FA2H: variants seen among roughly 807,000 people sequenced by gnomAD.
FA2H encodes the protein fatty acid alpha-hydroxylase.
A neutral mutation model predicts 44.9 loss-of-function variants in FA2H; 22 were observed. The observed-to-expected ratio is 0.49, with a 90% CI of 0.35 to 0.70. The LOEUF (loss-of-function observed/expected upper bound fraction) is 0.70, where lower values mean the gene tolerates loss of function less well. Among genes scored for constraint, FA2H ranks in the 30% least tolerant of loss-of-function variants. FA2H has a pLI of 0.01. For missense variants in FA2H, 501 were observed against 504.9 expected (o/e 0.99, Z 0.07); for synonymous variants, 243 against 213.2 (o/e 1.14, Z -1.22).
intron 1 of FA2H, among the ~76,000 whole-genome samples, chr16:74,751,472 G>T (rs1280660886): frequency 6.6e-6 from 1 of 152,018 alleles, no homozygotes; most frequent in African/African-American, 2.4e-5. Context: ...CGCCTGGTGG[G>T]TATAGCCTCC....
At chr16:74,750,571 C>T (rs1962509535) in intron 1 of FA2H, among the ~76,000 whole-genome samples, 1 of 152,144 alleles carries the variant, frequency 6.6e-6, no homozygotes, top group South Asian at 2.1e-4. Flanking sequence ...CAACAACACC[C>T]TCCCTCATAC....
At chr16:74,718,349 A>G (rs1961753844) in intron 5 of FA2H, among the ~76,000 whole-genome samples, 1 of 152,200 alleles carries the variant, frequency 6.6e-6, no homozygotes, top group Non-Finnish European at 1.5e-5. Flanking sequence ...AGCACAATGC[A>G]GGGACAGAGA....
At chr16:74,724,267 C>T (rs1961900901) in intron 4 of FA2H, among the ~76,000 whole-genome samples, 1 of 152,178 alleles carries the variant, frequency 6.6e-6, no homozygotes, top group South Asian at 2.1e-4. Context: ...AGACTAAGGT[C>T]CTGGCCTCTG....
In FA2H at chr16:74,758,723, C is replaced by T. The variant is rs949282474; in HGVS notation, c.270+15763G>A. 5.9e-5 allele frequency among the ~76,000 whole-genome samples: 9 copies of T among 152,090 alleles called. No individual in the cohort carries two copies. The East Asian group carries it at 1.7e-3, about 29-fold the overall frequency. On this transcript the variant is annotated intron_variant, in intron 1 of 6. Coordinates refer to ENST00000219368, the MANE Select transcript of FA2H (RefSeq NM_024306.5). The stretch of plus-strand genomic sequence containing the variant: ...TGCAGATCACTTGAGGCCAGGAGCT[C>T]GAGACTAGCCTGGGCCACAGAGCAA...
intron 4 of FA2H, chr16:74,726,019 T>C: frequency 1.8e-6 from 1 of 560,510 alleles, no homozygotes; most frequent in Non-Finnish European, 3.2e-6. Context: ...TGCTGATGTG[T>C]TGTTGGGTTT....
intron 1 of FA2H, among the ~76,000 whole-genome samples, chr16:74,747,634 A>G (rs1449083338): frequency 6.6e-6 from 1 of 152,110 alleles, no homozygotes; most frequent in Non-Finnish European, 1.5e-5. Flanking sequence ...TGAAGATGGA[A>G]GGAGAGATGG....
chr16:74,746,723 T>C (rs564399277), intron 1 of FA2H, among the ~76,000 whole-genome samples: 1 of 152,094 alleles, frequency 6.6e-6, no homozygotes, highest in African/African-American at 2.4e-5. Flanking sequence ...CTGAGAAGGA[T>C]GAGCAGAGAC....
intron 6 of FA2H, 148 bp downstream of exon 6, chr16:74,716,199 G>C: frequency 1.2e-6 from 1 of 804,612 alleles, no homozygotes; most frequent in South Asian, 1.9e-5. Flanking sequence ...CTGCACAGCT[G>C]TCTGCACCAG....
intron 4 of FA2H, among the ~76,000 whole-genome samples, chr16:74,719,822 C>T (rs1410303877): frequency 6.6e-6 from 1 of 151,966 alleles, no homozygotes; most frequent in East Asian, 1.9e-4. Flanking sequence ...TCCCAAAGTG[C>T]TGAGATAACA....
intron 1 of FA2H, among the ~76,000 whole-genome samples, chr16:74,751,418 G>T (rs1962524136): frequency 6.6e-6 from 1 of 151,966 alleles, no homozygotes; most frequent in South Asian, 2.1e-4. Context: ...TCTTCAATTA[G>T]CAAAGTCTAC....
intron 4 of FA2H, among the ~76,000 whole-genome samples, chr16:74,724,373 T>C (rs2144613446): frequency 6.6e-6 from 1 of 152,206 alleles, no homozygotes; most frequent in East Asian, 1.9e-4. Context: ...TCTGGAGCCA[T>C]CCTGAGTATG....
At chr16:74,768,638 A>G (rs1287083240) in intron 1 of FA2H, among the ~76,000 whole-genome samples, 1 of 152,156 alleles carries the variant, frequency 6.6e-6, no homozygotes, top group Non-Finnish European at 1.5e-5. Context: ...CCGGCTTTCC[A>G]AGATGGGCTG....
chr16:74,755,297 A>G (rs1962593044), intron 1 of FA2H, among the ~76,000 whole-genome samples: 1 of 151,958 alleles, frequency 6.6e-6, no homozygotes, highest in Non-Finnish European at 1.5e-5. Flanking sequence ...CTCCCACTTC[A>G]GCCTCCAGAG....
chr16:74,752,923 G>A (rs972679093), intron 1 of FA2H, among the ~76,000 whole-genome samples: 2 of 152,186 alleles, frequency 1.3e-5, no homozygotes, highest in Non-Finnish European at 2.9e-5. Context: ...AGAGAGACCA[G>A]AATGTCACAT....
chr16:74,717,805 G>A (rs1347843325), intron 5 of FA2H, among the ~76,000 whole-genome samples: 2 of 152,218 alleles, frequency 1.3e-5, no homozygotes, highest in Admixed American at 6.5e-5. Context: ...AGAATGGCCT[G>A]AGCAGGTTCC....
At chr16:74,723,758 A>C (rs1290938811) in intron 4 of FA2H, among the ~76,000 whole-genome samples, 1 of 152,146 alleles carries the variant, frequency 6.6e-6, no homozygotes, top group African/African-American at 2.4e-5. Flanking sequence ...ACCTGGATTC[A>C]AATCCTGGCT....
intron 1 of FA2H, among the ~76,000 whole-genome samples, chr16:74,767,491 C>T (rs1213715683): frequency 6.6e-6 from 1 of 152,148 alleles, no homozygotes; most frequent in Non-Finnish European, 1.5e-5. Flanking sequence ...AGTGAAAGAT[C>T]TTGAGATGAG....
At chr16:74,715,092 C>T (rs1345827047) in intron 6 of FA2H, among the ~76,000 whole-genome samples, 2 of 152,062 alleles carry the variant, frequency 1.3e-5, no homozygotes, top group African/African-American at 2.4e-5. Flanking sequence ...CCCGTCTCGG[C>T]CTCCTCAAGT....
intron 1 of FA2H, among the ~76,000 whole-genome samples, chr16:74,767,789 C>T (rs994777467): frequency 3.3e-5 from 5 of 152,114 alleles, no homozygotes; most frequent in African/African-American, 4.8e-5. Flanking sequence ...TTTAAGCCAC[C>T]GAGTTTGTGA....
Sources: gnomAD v4.1 joint callset for allele counts (sites outside exome capture counted in the v4.1 genomes callset) on GRCh38, gnomAD v4.1.1 for gene constraint, MANE v1.5 for transcripts, NCBI Gene and HGNC (gene_info 2026-07-23, HGNC 2026-07-21) for gene names.